The following MPPED2 variants were observed in gnomAD, a reference collection of about 807,000 sequenced individuals.
The protein encoded by MPPED2 is metallophosphoesterase MPPED2.
MPPED2 carries 5 observed loss-of-function variants against 33.0 expected under a neutral mutation model. The observed-to-expected ratio is 0.15, with a 90% confidence interval of 0.08 to 0.32. The LOEUF (loss-of-function observed/expected upper bound fraction) is 0.32, where lower values mean the gene tolerates loss of function less well. Among genes scored for constraint, MPPED2 ranks in the 10% least tolerant of loss-of-function variants. The pLI, the probability that MPPED2 is intolerant of heterozygous loss-of-function variation, is 1.00. For synonymous variants in MPPED2, 136 were observed against 141.9 expected (o/e 0.96, Z 0.29); for missense variants, 275 against 372.1 (o/e 0.74, Z 2.15).
chr11:30,395,762 T>C (rs1174667833), intron 6 of MPPED2, among the ~76,000 whole-genome samples: 1 of 152,158 alleles, frequency 6.6e-6, no homozygotes, highest in Non-Finnish European at 1.5e-5. Context: ...TATAACTTAT[T>C]CTCATTAATT....
chr11:30,457,870 GATACAATTTGATGACAC>G (rs1359875174), intron 4 of MPPED2, among the ~76,000 whole-genome samples: 11 of 152,290 alleles, frequency 7.2e-5, no homozygotes, highest in South Asian at 2.1e-4. Context: ...TCTGTCCCCA[GATACAATTTGATGACAC>G]ATATGAATCA....
intron 2 of MPPED2, among the ~76,000 whole-genome samples, chr11:30,557,680 C>T (rs1308132907): frequency 1.3e-5 from 2 of 152,168 alleles, no homozygotes; most frequent in Non-Finnish European, 2.9e-5. Flanking sequence ...CAATTATTTC[C>T]GTCTCCCATA....
At chr11:30,412,617 G>A (rs986828326) in intron 6 of MPPED2, among the ~76,000 whole-genome samples, 3 of 152,112 alleles carry the variant, frequency 2.0e-5, no homozygotes, top group Non-Finnish European at 4.4e-5. Flanking sequence ...GAAAAGAAAA[G>A]AGGCATTTAA....
At chr11:30,471,189 C>T (rs1478672492) in intron 4 of MPPED2, among the ~76,000 whole-genome samples, 2 of 152,184 alleles carry the variant, frequency 1.3e-5, no homozygotes, top group Non-Finnish European at 2.9e-5. Flanking sequence ...GTTCACCTCA[C>T]GTGATGATGC....
chr11:30,531,829 CT>C (rs2134451881), intron 3 of MPPED2, among the ~76,000 whole-genome samples: 1 of 152,328 alleles, frequency 6.6e-6, no homozygotes, highest in African/African-American at 2.4e-5. Flanking sequence ...AATAAACCAC[CT>C]TAGGCCCTGA....
chr11:30,485,963 T>C (rs763681037), intron 4 of MPPED2, among the ~76,000 whole-genome samples: 12 of 152,272 alleles, frequency 7.9e-5, no homozygotes, highest in Non-Finnish European at 1.0e-4. Flanking sequence ...TTTGGCAGCA[T>C]GCAGGCTCAT....
chr11:30,583,134 C>CTTTTTTTCT (rs1554919022), intron 1 of MPPED2, among the ~76,000 whole-genome samples: 5 of 96,682 alleles, frequency 5.2e-5, no homozygotes, highest in African/African-American at 1.4e-4. Context: ...AAGACTTTTT[C>CTTTTTTTCT]TTTTTTTTTT....
intron 3 of MPPED2, among the ~76,000 whole-genome samples, chr11:30,532,893 A>G (rs1452085778): frequency 6.6e-6 from 1 of 152,208 alleles, no homozygotes; most frequent in Non-Finnish European, 1.5e-5. Context: ...CTCTGAACCA[A>G]CAAAGAACTC....
At chr11:30,501,427 T>C (rs967555441) in intron 3 of MPPED2, among the ~76,000 whole-genome samples, 2 of 152,200 alleles carry the variant, frequency 1.3e-5, no homozygotes, top group African/African-American at 4.8e-5. Flanking sequence ...CTATGAGGTC[T>C]CCAACCTGCA....
chr11:30,566,054 A>G (rs1244602546), intron 2 of MPPED2, among the ~76,000 whole-genome samples: 1 of 152,190 alleles, frequency 6.6e-6, no homozygotes, highest in Non-Finnish European at 1.5e-5. Context: ...ATCAGAGTAC[A>G]GAATAAAAAC....
intron 4 of MPPED2, among the ~76,000 whole-genome samples, chr11:30,440,765 G>A (rs181386045): frequency 1.2e-4 from 19 of 152,262 alleles, no homozygotes; most frequent in Middle Eastern, 3.4e-3. Context: ...TCTGGCTGAG[G>A]CCTCTCCTTT....
intron 1 of MPPED2, among the ~76,000 whole-genome samples, chr11:30,585,591 A>C (rs2134981337): frequency 6.6e-6 from 1 of 150,638 alleles, no homozygotes; most frequent in African/African-American, 2.4e-5. Context: ...CCCCACCCCC[A>C]TCCCCGCCGC....
rs1554919022 is a variant in MPPED2 at position 30,583,134 on chromosome 11, C to CTTTTTTTCTTTTTTTT, written c.-121-2641_-121-2640insAAAAAAAAGAAAAAAA. Among the ~76,000 whole-genome samples the CTTTTTTTCTTTTTTTT allele has an allele frequency of 4.1e-3, 398 of 96,562 alleles. 24 individuals are homozygous for CTTTTTTTCTTTTTTTT. The highest frequency in any genetic ancestry group is 6.1e-3 in the Non-Finnish European group (308 of 50,444). The allele number at this position is 96,562 out of a possible 152,430, so 63.3% of individuals were successfully genotyped here. A position where few individuals can be genotyped will look rare whatever the true frequency, so the allele number is the denominator to read the frequency against. ...CACAAACACCTGGAAAAGACTTTTT[C>CTTTTTTTCTTTTTTTT]TTTTTTTTTTTTTTTTTTTTTTTTT... On this transcript the variant is annotated intron_variant, in intron 1 of 6. Coordinates refer to ENST00000358117, the MANE Select transcript of MPPED2 (RefSeq NM_001584.3).
At chr11:30,499,295 G>C (rs1311850118) in intron 3 of MPPED2, among the ~76,000 whole-genome samples, 1 of 152,150 alleles carries the variant, frequency 6.6e-6, no homozygotes, top group African/African-American at 2.4e-5. Context: ...TGAAATGCTT[G>C]TGACCAGAAT....
At chr11:30,555,113 T>G (rs1273061158) in intron 2 of MPPED2, among the ~76,000 whole-genome samples, 1 of 152,198 alleles carries the variant, frequency 6.6e-6, no homozygotes, top group Non-Finnish European at 1.5e-5. Context: ...TTCCTAATGT[T>G]GGACTTTTTT....
chr11:30,510,698 A>T lies in MPPED2; in HGVS notation c.311-15177T>A, dbSNP rs551056011. ...TGAAAATGAAGAGTGACTTTCTCTG[A>T]AAACGGCTACTTTTATTTATTTTTT... On this transcript the variant is annotated intron_variant, in intron 3 of 6. Transcript: ENST00000358117. Among the ~76,000 whole-genome samples, 18 of 152,338 alleles carry T rather than the reference A, an allele frequency of 1.2e-4. No individual in the cohort carries two copies. The East Asian group carries it at 3.5e-3, about 29-fold the overall frequency.
intron 4 of MPPED2, among the ~76,000 whole-genome samples, chr11:30,468,656 C>A (rs1254758834): frequency 6.6e-6 from 1 of 152,086 alleles, no homozygotes; most frequent in African/African-American, 2.4e-5. Flanking sequence ...AAATATTAAT[C>A]ATATAGGAAC....
At chr11:30,414,435 T>C in intron 5 of MPPED2, 94 bp from the exon 6 acceptor site, 1 of 796,200 alleles carries the variant, frequency 1.3e-6, no homozygotes, top group Non-Finnish European at 2.2e-6. Flanking sequence ...AGAAGGTTTA[T>C]TACATTATCT....
intron 3 of MPPED2, among the ~76,000 whole-genome samples, chr11:30,528,510 G>T (rs1954331427): frequency 6.6e-6 from 1 of 152,044 alleles, no homozygotes; most frequent in African/African-American, 2.4e-5. Flanking sequence ...CACCCTCTTT[G>T]GCTCCCAAAG....
Sources: allele counts gnomAD v4.1 joint callset (sites outside exome capture counted in the v4.1 genomes callset), GRCh38; gene constraint gnomAD v4.1.1; transcripts MANE v1.5; gene names NCBI Gene and HGNC (gene_info 2026-07-23, HGNC 2026-07-21).